PDCD10: variants seen among roughly 807,000 people sequenced by gnomAD.
PDCD10 encodes the protein programmed cell death 10.
PDCD10 carries 4 observed loss-of-function variants against 29.2 expected under a neutral mutation model. The ratio of observed to expected loss-of-function variants is 0.14; its 90% confidence interval spans 0.07 to 0.31. The LOEUF is 0.31. PDCD10 is among the 10% of genes least tolerant of loss of function. The pLI is 1.00. For missense variants in PDCD10, 183 were observed against 257.9 expected (o/e 0.71, Z 1.99); for synonymous variants, 70 against 82.2 (o/e 0.85, Z 0.80).
intron 4 of PDCD10, among the ~76,000 whole-genome samples, chr3:167,700,155 A>G (rs932688493): frequency 6.6e-6 from 1 of 152,188 alleles, no homozygotes; most frequent in Non-Finnish European, 1.5e-5. Context: ...ATATGTAATA[A>G]GTTTGAAGCC....
intron 6 of PDCD10, among the ~76,000 whole-genome samples, chr3:167,690,729 A>G (rs772216006): frequency 1.3e-5 from 2 of 152,218 alleles, no homozygotes; most frequent in Non-Finnish European, 2.9e-5. Context: ...TCACAATGTT[A>G]TTATAGCATG....
At chr3:167,730,349 TATC>T (rs775126481) in intron 2 of PDCD10, among the ~76,000 whole-genome samples, 26 of 152,272 alleles carry the variant, frequency 1.7e-4, no homozygotes, top group Middle Eastern at 6.8e-3. Flanking sequence ...AAAAATTACT[TATC>T]ATGTAAGTGG....
chr3:167,708,625 A>C (rs1722234282), intron 3 of PDCD10, among the ~76,000 whole-genome samples: 1 of 152,236 alleles, frequency 6.6e-6, no homozygotes, highest in Admixed American at 6.5e-5. Flanking sequence ...GCTTGCTAGA[A>C]AGACAGAAGT....
At chr3:167,721,686 A>G (rs572461581) in intron 2 of PDCD10, among the ~76,000 whole-genome samples, 14 of 152,306 alleles carry the variant, frequency 9.2e-5, no homozygotes, top group Admixed American at 8.5e-4. Flanking sequence ...GTTTAGTCCC[A>G]TTTCTGACAG....
intron 2 of PDCD10, among the ~76,000 whole-genome samples, chr3:167,725,763 TTATATATATATATATATATA>T (rs67647566): frequency 0.011 from 878 of 77,166 alleles, 52 homozygotes; most frequent in East Asian, 0.041. Context: ...ATTGTATCGT[TTATATATATATATATATATA>T]TATATATATA....
chr3:167,700,382 T>C (rs1164871847), intron 4 of PDCD10, among the ~76,000 whole-genome samples: 1 of 152,054 alleles, frequency 6.6e-6, no homozygotes, highest in Non-Finnish European at 1.5e-5. Context: ...AAAGTGCCAC[T>C]AGTGATGTTG....
chr3:167,720,008 A>C, intron 3 of PDCD10, 54 bp downstream of exon 3: 1 of 1,057,524 alleles, frequency 9.5e-7, no homozygotes, highest in Non-Finnish European at 1.5e-6. Context: ...GAATAAATAA[A>C]GCAGGAATTA....
intron 3 of PDCD10, among the ~76,000 whole-genome samples, chr3:167,715,861 C>CA (rs753400454): frequency 2.4e-4 from 37 of 151,884 alleles, no homozygotes; most frequent in Non-Finnish European, 4.0e-4. Context: ...GGAGGTTCCT[C>CA]AAAAAACTAA....
chr3:167,691,800 C>A (rs891278042), intron 6 of PDCD10, among the ~76,000 whole-genome samples: 1 of 152,202 alleles, frequency 6.6e-6, no homozygotes, highest in African/African-American at 2.4e-5. Flanking sequence ...CAGCAGTGAA[C>A]ACCTGGCATT....
At chr3:167,698,184 G>C (rs543889012) in intron 4 of PDCD10, among the ~76,000 whole-genome samples, 3 of 152,090 alleles carry the variant, frequency 2.0e-5, no homozygotes, top group Non-Finnish European at 4.4e-5. Flanking sequence ...AAAACTGAAG[G>C]GTTGTGGGAT....
At chr3:167,731,679 T>TGA (rs1724830559) in intron 2 of PDCD10, among the ~76,000 whole-genome samples, 1 of 152,114 alleles carries the variant, frequency 6.6e-6, no homozygotes. Flanking sequence ...ACATGACAAA[T>TGA]GAGAGGGCCC....
chr3:167,714,666 C>A (rs1335211110), intron 3 of PDCD10, among the ~76,000 whole-genome samples: 3 of 151,558 alleles, frequency 2.0e-5, no homozygotes, highest in South Asian at 2.1e-4. Flanking sequence ...CTGAAAAAAA[C>A]ATTTAAAAAA....
At chr3:167,703,155 CT>C (rs1458200591) in intron 4 of PDCD10, among the ~76,000 whole-genome samples, 1 of 152,124 alleles carries the variant, frequency 6.6e-6, no homozygotes, top group Non-Finnish European at 1.5e-5. Context: ...AGCAATACTA[CT>C]GTACAGATTA....
chr3:167,698,685 TTTATC>T lies in PDCD10; in HGVS notation c.151-1564_151-1560del, dbSNP rs1375831651. Among the ~76,000 whole-genome samples, 3 of 152,358 alleles carry T rather than the reference TTTATC, an allele frequency of 2.0e-5. No individual in the cohort carries two copies. In the East Asian group the frequency reaches 5.8e-4, roughly 29 times the overall value. Reference sequence around the variant, plus strand: ...ATAATGTAGCATTCAGTAACAATACTTTATCTTATCTAGCAATAAATCTTCCTACA... The same window carrying T: ...ATAATGTAGCATTCAGTAACAATACTTTATCTAGCAATAAATCTTCCTACA... On this transcript the variant is annotated intron_variant, in intron 4 of 8. Coordinates refer to ENST00000392750, the MANE Select transcript of PDCD10 (RefSeq NM_007217.4).
intron 2 of PDCD10, among the ~76,000 whole-genome samples, chr3:167,731,978 T>C (rs1349843605): frequency 5.3e-5 from 8 of 152,130 alleles, no homozygotes; most frequent in African/African-American, 9.7e-5. Context: ...GCAGCTTATG[T>C]ATGTAGTAAC....
chr3:167,697,100 T>C lies in PDCD10; in HGVS notation c.177A>G (p.Thr59=). The change falls in exon 5 of 9, where the codon ACA becomes ACG. Residue 59 remains threonine (T), a synonymous_variant. Transcript: ENST00000392750. The part of the protein sequence containing the change: ...IKAEKENPGL[T]QDIIMKILEK... ...CTAAAATTTTCATAATGATGTCTTG[T>C]GTGAGACCTGGATTTTCTTTTTCAG... 1 of 1,604,508 alleles carries C rather than the reference T, an allele frequency of 6.2e-7. No homozygotes were observed. The highest frequency in any genetic ancestry group is 8.5e-7 in the Non-Finnish European group (1 of 1,171,530).
chr3:167,721,481 T>G (rs989177508), intron 2 of PDCD10, among the ~76,000 whole-genome samples: 3 of 152,200 alleles, frequency 2.0e-5, no homozygotes, highest in African/African-American at 7.2e-5. Flanking sequence ...TTAACACTGC[T>G]AGGTATGAAG....
Position 167,684,276 on chromosome 3 carries a change from C to T in PDCD10, c.*32G>A, listed in dbSNP as rs754697953. ...AGATAAAGGCAGTTCAATACTGCCA[C>T]TGAGAAGTACATCTCTTAACATATA... On this transcript the variant is annotated 3_prime_UTR_variant, in exon 9 of 9. Coordinates refer to ENST00000392750, the MANE Select transcript of PDCD10 (RefSeq NM_007217.4). The T allele has an allele frequency of 3.3e-6, 4 of 1,228,288 alleles. No homozygotes were observed. The highest frequency in any genetic ancestry group is 4.8e-6 in the Non-Finnish European group (4 of 828,440). 76.1% of individuals were successfully genotyped at this position (1,228,288 alleles called of 1,614,324 possible).
chr3:167,730,371 TC>T (rs2108510335), intron 2 of PDCD10, among the ~76,000 whole-genome samples: 1 of 152,264 alleles, frequency 6.6e-6, no homozygotes, highest in East Asian at 1.9e-4. Context: ...GGCTTAAAAT[TC>T]TTAGTAACAC....
Sources: allele counts gnomAD v4.1 joint callset (sites outside exome capture counted in the v4.1 genomes callset), GRCh38; gene constraint gnomAD v4.1.1; transcripts MANE v1.5; gene names NCBI Gene and HGNC (gene_info 2026-07-23, HGNC 2026-07-21).